Variants in CACNA1B observed in about 807,000 individuals in gnomAD.
CACNA1B encodes the protein voltage-dependent N-type calcium channel subunit alpha-1B.
CACNA1B carries 70 observed loss-of-function variants against 247.2 expected under a neutral mutation model. That is an observed-to-expected ratio of 0.28 (90% CI 0.23 to 0.35). The LOEUF (loss-of-function observed/expected upper bound fraction) is 0.35, where lower values mean the gene tolerates loss of function less well. Ranked by LOEUF, CACNA1B falls within the 10% of genes least tolerant of loss-of-function variation. CACNA1B has a pLI of 1.00. For missense variants in CACNA1B, 2,367 were observed against 3,197.4 expected (o/e 0.74, Z 6.26); for synonymous variants, 1,231 against 1,294.4 (o/e 0.95, Z 1.05).
intron 21 of CACNA1B, among the ~76,000 whole-genome samples, chr9:138,044,616 C>G (rs1451236603): frequency 6.6e-6 from 1 of 152,208 alleles, no homozygotes; most frequent in Non-Finnish European, 1.5e-5. Context: ...TGGAGCAGAG[C>G]TTGAGGAGGA....
intron 32 of CACNA1B, 56 bp downstream of exon 32, chr9:138,069,819 C>T (rs1217878375): frequency 5.8e-6 from 9 of 1,541,564 alleles, no homozygotes; most frequent in Admixed American, 3.4e-5. Flanking sequence ...TCGCTCTGCT[C>T]CTCTCCTGCT....
intron 6 of CACNA1B, among the ~76,000 whole-genome samples, chr9:137,951,667 G>T (rs192035941): frequency 7.9e-5 from 12 of 152,366 alleles, no homozygotes; most frequent in African/African-American, 2.9e-4. Flanking sequence ...TGTGGGCTGT[G>T]CTATAAAAAG....
At chr9:138,120,433 AG>A (rs1037318361) in intron 45 of CACNA1B, 61 bp downstream of exon 45, 191 of 1,484,068 alleles carry the variant, frequency 1.3e-4, no homozygotes, top group Non-Finnish European at 1.6e-4. Flanking sequence ...AGGGGGTCCA[AG>A]CGGCCCATGG....
chr9:138,121,526 G>A lies in CACNA1B; in HGVS notation c.6547G>A (p.Gly2183Ser), dbSNP rs372031598. Residue 2183 changes from glycine (G) to serine (S), a missense_variant, in exon 47 of 47, where the codon GGC becomes AGC. This residue lies in a region of CACNA1B where 773 missense variants were observed against 779.4 expected (regional missense o/e 0.99). Coordinates refer to ENST00000371372, the MANE Select transcript of CACNA1B (RefSeq NM_000718.4). The surrounding 1 kb of genome is among the most constrained non-coding windows in gnomAD (Gnocchi z 6.8). ...LLSTSGASTPGRGGRRQLPQT... is the reference protein window; with the variant it reads ...LLSTSGASTPSRGGRRQLPQT... ...GTCAACATCTGGTGCTAGCACCCCC[G>A]GCCGCGGTGGGCGGAGGCAGCTCCC... 23 of 1,568,120 alleles carry A rather than the reference G, an allele frequency of 1.5e-5. No homozygotes were observed. The highest frequency in any genetic ancestry group is 4.1e-5 in the African/African-American group (3 of 73,208).
At chr9:138,091,327 T>TA (rs1199503915) in intron 36 of CACNA1B, among the ~76,000 whole-genome samples, 2 of 151,286 alleles carry the variant, frequency 1.3e-5, no homozygotes, top group Non-Finnish European at 3.0e-5. Flanking sequence ...ATGTGGAAGC[T>TA]AAAAAAAAAT....
rs1962192158 is a variant in CACNA1B, at chr9:138,124,257, C to CA, written c.*2260dup. 6.6e-6 allele frequency: 1 copy of CA among 152,118 alleles called. No individual in the cohort carries two copies. Among genetic ancestry groups the CA allele is most frequent in the South Asian group, 2.1e-4 (1 of 4,832 alleles). 9.4% of individuals were successfully genotyped at this position (152,118 alleles called of 1,614,324 possible). ...AGTCAAGCAGTGGCTGTAGTTTGAA[C>CA]AAGTTATGTGTGCATGTAACATATA... On this transcript the variant is annotated 3_prime_UTR_variant, in exon 47 of 47. Coordinates refer to ENST00000371372, the MANE Select transcript of CACNA1B (RefSeq NM_000718.4).
intron 12 of CACNA1B, among the ~76,000 whole-genome samples, chr9:137,979,036 G>A (rs550700242): frequency 3.3e-5 from 5 of 152,362 alleles, no homozygotes; most frequent in South Asian, 2.1e-4. Context: ...AGATGGAGGC[G>A]TCAGAGATGC....
chr9:138,017,679 G>T (rs1161553252), intron 18 of CACNA1B, among the ~76,000 whole-genome samples: 1 of 152,198 alleles, frequency 6.6e-6, no homozygotes, highest in African/African-American at 2.4e-5. Context: ...CCTTGTTCTA[G>T]CAAGAGCAGA....
At position 138,118,047 on chromosome 9, in the gene CACNA1B, C is replaced by G; in HGVS notation, c.5879C>G (p.Ser1960Cys). The change falls in exon 43 of 47, where the codon TCC (serine) becomes TGC (cysteine). Residue 1960 changes from serine (S) to cysteine (C), a missense_variant. By Grantham distance (112) the Ser-to-Cys change is moderately radical. This residue lies in a region of CACNA1B where 773 missense variants were observed against 779.4 expected (regional missense o/e 0.99). Transcript: ENST00000371372. The stretch of plus-strand genomic sequence containing the variant: ...AGGCCACCCCTGGAGCGTGGCCACT[C>G]CACAGAGATCCCTGTGGGGCGGTCA... Reference protein sequence around the residue: ...EARPPLERGHSTEIPVGRSGA... With the variant: ...EARPPLERGHCTEIPVGRSGA... The G allele has an allele frequency of 1.3e-6, 2 of 1,594,300 alleles. No homozygotes were observed. Among genetic ancestry groups the G allele is most frequent in the Non-Finnish European group, 8.5e-7 (1 of 1,170,298 alleles).
chr9:137,979,973 A>G (rs1018481360), intron 12 of CACNA1B, among the ~76,000 whole-genome samples: 1 of 152,198 alleles, frequency 6.6e-6, no homozygotes, highest in Admixed American at 6.5e-5. Flanking sequence ...ACATGCGGGA[A>G]AGTCTGGGAT....
At chr9:137,993,224 A>G (rs957785589) in intron 15 of CACNA1B, among the ~76,000 whole-genome samples, 1 of 152,316 alleles carries the variant, frequency 6.6e-6, no homozygotes, top group Middle Eastern at 3.4e-3. Flanking sequence ...AAAAAATTAC[A>G]AAAGATAAAT....
At chr9:138,041,335 G>A (rs1211642970) in intron 20 of CACNA1B, among the ~76,000 whole-genome samples, 3 of 152,190 alleles carry the variant, frequency 2.0e-5, no homozygotes, top group Non-Finnish European at 2.9e-5. Flanking sequence ...CATGCTGTTA[G>A]GGGGAGTAAA....
rs1411844783 is a variant in CACNA1B at position 138,007,191 on chromosome 9, G to A, written c.2092+307G>A. On this transcript the variant is annotated intron_variant, in intron 16 of 46. Transcript: ENST00000371372. This position sits in a 1 kb window ranked among gnomAD's most constrained non-coding sequence, Gnocchi z 4.1. ...GTCGGGGAGCCTCACACTCTGGGCA[G>A]GTGGGTTTTTGTTTTCACTTTGATT... Among the ~76,000 whole-genome samples the A allele has an allele frequency of 6.6e-6, 1 of 152,214 alleles. No individual in the cohort carries two copies. Among genetic ancestry groups the A allele is most frequent in the East Asian group, 1.9e-4 (1 of 5,196 alleles).
At chr9:138,074,351 C>G (rs571196858) in intron 34 of CACNA1B, among the ~76,000 whole-genome samples, 4 of 152,120 alleles carry the variant, frequency 2.6e-5, no homozygotes, top group Admixed American at 1.3e-4. Context: ...AGCGATTCTC[C>G]TGCTTCAGCC....
Position 137,971,327 on chromosome 9 carries a change from G to T in CACNA1B, c.1334-56G>T. On this transcript the variant is annotated intron_variant, in intron 10 of 46. Transcript: ENST00000371372. The surrounding 1 kb of genome is among the most constrained non-coding windows in gnomAD (Gnocchi z 4.4). ...AGTGCGTCTGTGGGGGTCCACAGGTGGGGTAGGCGGGTGCCCATTGGTCCC... is the reference window on the plus strand; with the variant it reads ...AGTGCGTCTGTGGGGGTCCACAGGTTGGGTAGGCGGGTGCCCATTGGTCCC... 7.7e-7 allele frequency: 1 copy of T among 1,297,712 alleles called. No homozygotes were observed. The highest frequency in any genetic ancestry group is 1.3e-5 in the South Asian group (1 of 78,818). 80.4% of individuals were successfully genotyped at this position (1,297,712 alleles called of 1,614,324 possible). A position where few individuals can be genotyped will look rare whatever the true frequency, so the allele number is the denominator to read the frequency against.
chr9:137,953,237 G>A (rs563358820), intron 7 of CACNA1B, among the ~76,000 whole-genome samples: 103 of 152,356 alleles, frequency 6.8e-4, no homozygotes, highest in Non-Finnish European at 1.2e-3. Flanking sequence ...CTAGGAAGGA[G>A]GTGGAAGGCA....
At chr9:137,977,710 G>A (rs1045078993) in intron 12 of CACNA1B, among the ~76,000 whole-genome samples, 7 of 152,252 alleles carry the variant, frequency 4.6e-5, no homozygotes, top group Non-Finnish European at 7.4e-5. Context: ...GGGTGGGCAC[G>A]CCGCCCCCTG....
chr9:137,999,245 AAT>A (rs55908891), intron 15 of CACNA1B, among the ~76,000 whole-genome samples: 18,378 of 117,374 alleles, frequency 0.16, 1,562 homozygotes, highest in East Asian at 0.54. Context: ...AAAAATAAAA[AAT>A]AAAAAATGAA....
In CACNA1B at chr9:138,121,785, C is replaced by T. The variant is rs945718746; in HGVS notation, c.6806C>T (p.Ser2269Phe). 6.2e-7 allele frequency: 1 copy of T among 1,613,282 alleles called. No homozygotes were observed. The highest frequency in any genetic ancestry group is 8.5e-7 in the Non-Finnish European group (1 of 1,179,854). Residue 2269 changes from serine (S) to phenylalanine (F), a missense_variant, in exon 47 of 47, where the codon TCT becomes TTT. This residue lies in a region of CACNA1B where 773 missense variants were observed against 779.4 expected (regional missense o/e 0.99). Coordinates refer to ENST00000371372, the MANE Select transcript of CACNA1B (RefSeq NM_000718.4). This position sits in a 1 kb window ranked among gnomAD's most constrained non-coding sequence, Gnocchi z 6.8. ...GGGCAGCGTCTGGACAGTGAGGCCT[C>T]TGTCCACGCCCTGCCTGAGGACACT... is the stretch of plus-strand genomic sequence containing the variant. ...YLGQRLDSEA[S>F]VHALPEDTLT...
Sources: gnomAD v4.1 joint callset for allele counts (sites outside exome capture counted in the v4.1 genomes callset) on GRCh38, gnomAD v4.1.1 for gene constraint, gnomAD v4.1.1 regional missense constraint, Gnocchi (gnomAD v3.1) non-coding constraint, MANE v1.5 for transcripts, NCBI Gene and HGNC (gene_info 2026-07-23, HGNC 2026-07-21) for gene names.